HCN1: variants seen among roughly 807,000 people sequenced by gnomAD.
The protein encoded by HCN1 is potassium/sodium hyperpolarization-activated cyclic nucleotide-gated channel 1.
Under a neutral mutation model 78.9 loss-of-function variants are expected in HCN1, and 13 were observed. The ratio of observed to expected loss-of-function variants is 0.16; its 90% CI spans 0.11 to 0.26. The LOEUF (loss-of-function observed/expected upper bound fraction) is 0.26. Ranked by LOEUF, HCN1 falls within the 10% of genes least tolerant of loss-of-function variation. The probability of loss-of-function intolerance (pLI) is 1.00; values close to 1 mark genes in which losing one functional copy is unlikely to be tolerated. For synonymous variants in HCN1, 552 were observed against 455.5 expected (o/e 1.21, Z -2.70); for missense variants, 810 against 1,154.3 (o/e 0.70, Z 4.32).
At chr5:45,396,078 A>AG (rs570825686) in intron 4 of HCN1, among the ~76,000 whole-genome samples, 45 of 152,050 alleles carry the variant, frequency 3.0e-4, no homozygotes, top group South Asian at 4.2e-4. Flanking sequence ...ATTATAGATG[A>AG]GGGGGGGTAC....
At chr5:45,372,960 A>G (rs1237977845) in intron 4 of HCN1, among the ~76,000 whole-genome samples, 1 of 141,250 alleles carries the variant, frequency 7.1e-6, no homozygotes, top group Non-Finnish European at 1.5e-5. Context: ...TATTTTATAC[A>G]TAAAAGATAT....
At chr5:45,375,432 T>G (rs1747605810) in intron 4 of HCN1, among the ~76,000 whole-genome samples, 1 of 116,956 alleles carries the variant, frequency 8.6e-6, no homozygotes, top group Non-Finnish European at 1.6e-5. Flanking sequence ...ATGATACATA[T>G]TATATATAAG....
At chr5:45,530,153 C>T (rs1465008746) in intron 2 of HCN1, among the ~76,000 whole-genome samples, 1 of 152,004 alleles carries the variant, frequency 6.6e-6, no homozygotes, top group Non-Finnish European at 1.5e-5. Flanking sequence ...GAATCTGTAA[C>T]CAGGTAAGGC....
intron 2 of HCN1, among the ~76,000 whole-genome samples, chr5:45,503,605 T>C (rs978148023): frequency 2.1e-4 from 32 of 152,180 alleles, no homozygotes; most frequent in African/African-American, 7.7e-4. Flanking sequence ...TTTTTATATG[T>C]TTTAAATCCT....
chr5:45,630,206 C>T (rs1327236357), intron 2 of HCN1, among the ~76,000 whole-genome samples: 2 of 152,122 alleles, frequency 1.3e-5, no homozygotes, highest in African/African-American at 4.8e-5. Context: ...TCTTACCTGC[C>T]TCTTTTCCAA....
chr5:45,341,589 T>C (rs192957143), intron 5 of HCN1, among the ~76,000 whole-genome samples: 1 of 152,210 alleles, frequency 6.6e-6, no homozygotes. Flanking sequence ...AGTGGTCCAG[T>C]CAAAGCAAAA....
At chr5:45,421,689 A>G (rs1448099297) in intron 3 of HCN1, among the ~76,000 whole-genome samples, 2 of 152,202 alleles carry the variant, frequency 1.3e-5, no homozygotes, top group Non-Finnish European at 2.9e-5. Context: ...GTTGAATGCT[A>G]TCTTAACCAG....
chr5:45,672,841 G>A (rs1746179867), intron 1 of HCN1, among the ~76,000 whole-genome samples: 1 of 151,088 alleles, frequency 6.6e-6, no homozygotes, highest in African/African-American at 2.4e-5. Context: ...CTTTGCTTTA[G>A]AATAGTCTCA....
At chr5:45,582,147 C>T (rs917206339) in intron 2 of HCN1, among the ~76,000 whole-genome samples, 6 of 152,222 alleles carry the variant, frequency 3.9e-5, no homozygotes, top group African/African-American at 1.2e-4. Context: ...TTCTTCCTAC[C>T]CATGAGCATG....
intron 1 of HCN1, among the ~76,000 whole-genome samples, chr5:45,691,200 C>A (rs1055971778): frequency 7.3e-5 from 11 of 151,430 alleles, no homozygotes; most frequent in African/African-American, 2.7e-4. Context: ...ATTTAAATTT[C>A]TTTCATTATT....
intron 2 of HCN1, among the ~76,000 whole-genome samples, chr5:45,600,867 T>C (rs920941248): frequency 2.2e-4 from 33 of 152,150 alleles, no homozygotes; most frequent in Admixed American, 2.0e-4. Flanking sequence ...TATTTAAACA[T>C]GGTTTTGCAG....
In HCN1 at chr5:45,325,690, A is replaced by G. The variant is rs186782666; in HGVS notation, c.1378-21851T>C. 2.0e-5 allele frequency among the ~76,000 whole-genome samples: 3 copies of G among 151,826 alleles called. No individual in the cohort carries two copies. The East Asian group carries it at 5.8e-4, about 30-fold the overall frequency. ...ACTGCATATATGAGAAAATCAGCCC[A>G]TACTAGCAGATCTTAATGAATTAAA... On this transcript the variant is annotated intron_variant, in intron 5 of 7. Transcript: ENST00000303230.
intron 2 of HCN1, among the ~76,000 whole-genome samples, chr5:45,549,258 T>C (rs1743303854): frequency 6.6e-6 from 1 of 152,132 alleles, no homozygotes; most frequent in Admixed American, 6.6e-5. Context: ...ACTACAAGGC[T>C]ACAGTAACCA....
At chr5:45,339,159 T>A (rs947299556) in intron 5 of HCN1, among the ~76,000 whole-genome samples, 2 of 152,180 alleles carry the variant, frequency 1.3e-5, no homozygotes, top group African/African-American at 2.4e-5. Context: ...GAAGACCTTT[T>A]ACTCAGTAAA....
chr5:45,689,429 C>G (rs1580051773), intron 1 of HCN1, among the ~76,000 whole-genome samples: 1 of 152,000 alleles, frequency 6.6e-6, no homozygotes, highest in Admixed American at 6.6e-5. Flanking sequence ...AGGGAAAGGA[C>G]ACATATAAAA....
intron 2 of HCN1, among the ~76,000 whole-genome samples, chr5:45,530,412 T>A (rs748354324): frequency 1.7e-3 from 248 of 148,724 alleles, no homozygotes; most frequent in South Asian, 4.2e-3. Context: ...GATTGTGTTT[T>A]TATATATATA....
chr5:45,613,595 C>T (rs540010263), intron 2 of HCN1, among the ~76,000 whole-genome samples: 48 of 151,688 alleles, frequency 3.2e-4, no homozygotes, highest in Non-Finnish European at 5.7e-4. Context: ...ACCATTTGAC[C>T]CAGCCATCCC....
At chr5:45,501,594 C>A (rs920526278) in intron 2 of HCN1, among the ~76,000 whole-genome samples, 2 of 152,052 alleles carry the variant, frequency 1.3e-5, no homozygotes, top group African/African-American at 4.8e-5. Flanking sequence ...GCACCCGCCA[C>A]CACGCCCGGT....
intron 2 of HCN1, among the ~76,000 whole-genome samples, chr5:45,626,118 T>C (rs907784562): frequency 2.0e-5 from 3 of 152,232 alleles, no homozygotes; most frequent in Non-Finnish European, 2.9e-5. Flanking sequence ...CTTCTCATGA[T>C]GACAAAGCTC....
Sources: allele counts gnomAD v4.1 joint callset (sites outside exome capture counted in the v4.1 genomes callset), GRCh38; gene constraint gnomAD v4.1.1; transcripts MANE v1.5; gene names NCBI Gene and HGNC (gene_info 2026-07-23, HGNC 2026-07-21).